The following ELMO1 variants were observed in gnomAD, a reference collection of about 807,000 sequenced individuals.
ELMO1 encodes engulfment and cell motility protein 1.
ELMO1 carries 26 observed loss-of-function variants against 98.9 expected under a neutral mutation model. That is an observed-to-expected ratio of 0.26 (90% CI 0.19 to 0.36). ELMO1 has a LOEUF of 0.36. ELMO1 is among the 10% of genes least tolerant of loss of function. The probability of loss-of-function intolerance (pLI) is 1.00; values close to 1 mark genes in which losing one functional copy is unlikely to be tolerated. For missense variants in ELMO1, 627 were observed against 935.2 expected, an observed-to-expected ratio of 0.67 and a Z score of 4.30; for synonymous variants, 346 against 346.0, an observed-to-expected ratio of 1.00 and a Z score of 0.00.
At chr7:37,024,166 G>C (rs1300234620) in intron 15 of ELMO1, among the ~76,000 whole-genome samples, 1 of 152,004 alleles carries the variant, frequency 6.6e-6, no homozygotes, top group African/African-American at 2.4e-5. Flanking sequence ...TAACTAGCAA[G>C]ACGGTCACGA....
intron 13 of ELMO1, among the ~76,000 whole-genome samples, chr7:37,171,481 C>CTTT (rs71553100): frequency 0.048 from 2,091 of 43,822 alleles, 153 homozygotes; most frequent in African/African-American, 0.07. Flanking sequence ...CCAGGCCTTT[C>CTTT]TATTTTTTTT....
intron 16 of ELMO1, among the ~76,000 whole-genome samples, chr7:36,956,747 T>C (rs994315918): frequency 3.3e-5 from 5 of 152,212 alleles, no homozygotes; most frequent in Non-Finnish European, 5.9e-5. Context: ...GATCGGGCAA[T>C]TTTTTAAATG....
At chr7:37,141,379 G>T (rs993231203) in intron 13 of ELMO1, among the ~76,000 whole-genome samples, 1 of 152,124 alleles carries the variant, frequency 6.6e-6, no homozygotes, top group Non-Finnish European at 1.5e-5. Context: ...AAGAATGGGG[G>T]TTGGTGAGGG....
intron 16 of ELMO1, among the ~76,000 whole-genome samples, chr7:36,940,267 T>C (rs1230148619): frequency 6.6e-6 from 1 of 152,174 alleles, no homozygotes; most frequent in African/African-American, 2.4e-5. Flanking sequence ...AAAGCAACCT[T>C]AGATAGAATA....
chr7:37,342,804 T>C lies in ELMO1; in HGVS notation c.-73-41A>G. 4.2e-6 allele frequency: 4 copies of C among 962,822 alleles called. No individual in the cohort carries two copies. Among genetic ancestry groups the C allele is most frequent in the Non-Finnish European group, 6.2e-6 (4 of 644,728 alleles). 59.6% of individuals were successfully genotyped at this position (962,822 alleles called of 1,614,324 possible). Reference sequence around the variant, plus strand: ...AGAAAAAGAAAGAGAAGTCACTCAGTGCAGATGCAGGGTGAATTTTGCTTC... The same window carrying C: ...AGAAAAAGAAAGAGAAGTCACTCAGCGCAGATGCAGGGTGAATTTTGCTTC... On this transcript the variant is annotated intron_variant, in intron 1 of 21. Coordinates refer to ENST00000310758, the MANE Select transcript of ELMO1 (RefSeq NM_014800.11). This position sits in a 1 kb window ranked among gnomAD's most constrained non-coding sequence, Gnocchi z 4.3.
At chr7:37,291,919 T>C (rs1304517916) in intron 4 of ELMO1, among the ~76,000 whole-genome samples, 21 of 47,050 alleles carry the variant, frequency 4.5e-4, no homozygotes, top group Admixed American at 2.5e-3. Flanking sequence ...CTGCTCCCTC[T>C]CCCTCCCCCT....
intron 1 of ELMO1, among the ~76,000 whole-genome samples, chr7:37,409,939 TATC>T (rs1803925954): frequency 6.6e-6 from 1 of 152,192 alleles, no homozygotes; most frequent in Admixed American, 6.5e-5. Context: ...CAGTAAATAT[TATC>T]ATTATAATCC....
At chr7:37,015,549 C>T (rs1047207442) in intron 15 of ELMO1, among the ~76,000 whole-genome samples, 1 of 151,886 alleles carries the variant, frequency 6.6e-6, no homozygotes, top group African/African-American at 2.4e-5. Flanking sequence ...TGCAGTGAAC[C>T]GAGATCACAC....
At chr7:37,233,840 T>C (rs1479397238) in intron 7 of ELMO1, among the ~76,000 whole-genome samples, 6 of 152,240 alleles carry the variant, frequency 3.9e-5, no homozygotes, top group African/African-American at 1.4e-4. Flanking sequence ...GTAACTTTTC[T>C]GGCATATCGA....
At chr7:37,349,602 C>A (rs1008735556) in intron 1 of ELMO1, among the ~76,000 whole-genome samples, 5 of 152,166 alleles carry the variant, frequency 3.3e-5, no homozygotes, top group Non-Finnish European at 7.4e-5. Context: ...TACAAGCAGG[C>A]ACCACCTTGC....
intron 2 of ELMO1, among the ~76,000 whole-genome samples, chr7:37,330,450 T>G (rs1323115749): frequency 6.6e-6 from 1 of 152,244 alleles, no homozygotes; most frequent in Admixed American, 6.5e-5. Flanking sequence ...TTGTTTCTTT[T>G]TTTTCATTTT....
chr7:37,427,938 C>G (rs1175248174), intron 1 of ELMO1, among the ~76,000 whole-genome samples: 1 of 152,156 alleles, frequency 6.6e-6, no homozygotes, highest in Admixed American at 6.5e-5. Flanking sequence ...GGCCTCCATG[C>G]ATTCTGATCA....
intron 16 of ELMO1, among the ~76,000 whole-genome samples, chr7:36,915,311 G>C (rs143099937): frequency 2.6e-5 from 4 of 152,106 alleles, no homozygotes; most frequent in African/African-American, 9.7e-5. Flanking sequence ...TAATTTTTCT[G>C]TCTTGCTCAG....
chr7:37,248,139 GGAGAA>G (rs1284326302), intron 6 of ELMO1, among the ~76,000 whole-genome samples: 2 of 149,818 alleles, frequency 1.3e-5, no homozygotes, highest in Non-Finnish European at 3.0e-5. Flanking sequence ...TTATGCATAA[GGAGAA>G]GAGAAATTTT....
chr7:36,880,427 T>C (rs1353733220), intron 18 of ELMO1, among the ~76,000 whole-genome samples: 1 of 152,230 alleles, frequency 6.6e-6, no homozygotes, highest in East Asian at 1.9e-4. Context: ...AAACACATAT[T>C]ATTGTAGAGT....
intron 16 of ELMO1, among the ~76,000 whole-genome samples, chr7:36,967,856 G>T (rs1257235368): frequency 6.6e-6 from 1 of 152,166 alleles, no homozygotes; most frequent in Non-Finnish European, 1.5e-5. Context: ...ACTAACCAGG[G>T]AACATCAGGA....
chr7:36,993,649 T>C (rs76272393), intron 16 of ELMO1, among the ~76,000 whole-genome samples: 2,749 of 152,262 alleles, frequency 0.018, 86 homozygotes, highest in African/African-American at 0.063. Context: ...TAGAAAAAAA[T>C]ATAATTTTAT....
In ELMO1 at chr7:37,201,177, A is replaced by G. The variant is rs552268381; in HGVS notation, c.1086+10209T>C. 2.6e-5 allele frequency among the ~76,000 whole-genome samples: 4 copies of G among 152,292 alleles called. 1 individual carries two copies. Among genetic ancestry groups the G allele is most frequent in the African/African-American group, 9.6e-5 (4 of 41,570 alleles). ...ATTTACCTGAGAACCACATGTCAAGAGTCAGATCAAACTTCCCCATACAGC... is the reference window on the plus strand; with the variant it reads ...ATTTACCTGAGAACCACATGTCAAGGGTCAGATCAAACTTCCCCATACAGC... On this transcript the variant is annotated intron_variant, in intron 13 of 21. Coordinates refer to ENST00000310758, the MANE Select transcript of ELMO1 (RefSeq NM_014800.11).
At chr7:37,379,344 T>A (rs1019251271) in intron 1 of ELMO1, among the ~76,000 whole-genome samples, 2 of 152,088 alleles carry the variant, frequency 1.3e-5, no homozygotes, top group African/African-American at 4.8e-5. Flanking sequence ...CCCGGCCTCA[T>A]CACATTCTTC....
Sources: gnomAD v4.1 joint callset for allele counts (sites outside exome capture counted in the v4.1 genomes callset) on GRCh38, gnomAD v4.1.1 for gene constraint, Gnocchi (gnomAD v3.1) non-coding constraint, MANE v1.5 for transcripts, NCBI Gene and HGNC (gene_info 2026-07-23, HGNC 2026-07-21) for gene names.